Variants in FXR1 observed in about 807,000 individuals in gnomAD.
The protein encoded by FXR1 is FMR1 autosomal homolog 1, also known as RNA-binding protein FXR1.
Under a neutral mutation model 84.0 loss-of-function variants are expected in FXR1, and 15 were observed. That is an observed-to-expected ratio of 0.18 (90% CI 0.12 to 0.27). The LOEUF is 0.27. FXR1 is among the 10% of genes least tolerant of loss of function. The pLI, the probability that FXR1 is intolerant of heterozygous loss-of-function variation, is 1.00. For synonymous variants in FXR1, 245 were observed against 250.7 expected (o/e 0.98, Z 0.21); for missense variants, 480 against 774.4 (o/e 0.62, Z 4.51).
chr3:180,970,410 AT>A, intron 15 of FXR1, 52 bp downstream of exon 15: 1 of 294,456 alleles, frequency 3.4e-6, no homozygotes. Flanking sequence ...ATATATATAT[AT>A]ATATATATAT....
At chr3:180,914,051 G>C (rs1576872911) in intron 1 of FXR1, among the ~76,000 whole-genome samples, 1 of 152,148 alleles carries the variant, frequency 6.6e-6, no homozygotes, top group African/African-American at 2.4e-5. Context: ...GCGTATAAAG[G>C]ATCCCCCTAA....
At chr3:180,958,072 C>T (rs776340627) in intron 10 of FXR1, 144 bp downstream of exon 10, 5 of 451,276 alleles carry the variant, frequency 1.1e-5, no homozygotes, top group African/African-American at 2.0e-5. Flanking sequence ...ATTTCATACA[C>T]TTAGAAAACA....
chr3:180,959,952 T>G (rs1711871350), intron 10 of FXR1, among the ~76,000 whole-genome samples: 2 of 152,196 alleles, frequency 1.3e-5, no homozygotes, highest in Non-Finnish European at 2.9e-5. Flanking sequence ...GTTTCATATT[T>G]AGAACAAAAA....
chr3:180,945,420 C>G (rs186612206), intron 3 of FXR1, among the ~76,000 whole-genome samples: 1 of 151,732 alleles, frequency 6.6e-6, no homozygotes, highest in South Asian at 2.1e-4. Flanking sequence ...TTTTTTTTCC[C>G]CCTGGACAGG....
intron 8 of FXR1, among the ~76,000 whole-genome samples, chr3:180,953,169 C>G (rs1388409318): frequency 6.6e-6 from 1 of 152,076 alleles, no homozygotes; most frequent in Admixed American, 6.5e-5. Context: ...AAAGAACACA[C>G]GTTAAAAGTG....
At position 180,952,257 on chromosome 3, in the gene FXR1, C is replaced by G. The variant is rs576713864; in HGVS notation, c.801+789C>G. 5.9e-5 allele frequency among the ~76,000 whole-genome samples: 9 copies of G among 152,226 alleles called. No homozygotes were observed. The South Asian group carries it at 1.7e-3, about 28-fold the overall frequency. On this transcript the variant is annotated intron_variant, in intron 8 of 16. Transcript: ENST00000357559. ...ATAGGCGTGAGCCACCGTGCCTGGC[C>G]TGGAGTTTTTTTTGAATGACAATTT...
At chr3:180,925,775 G>T (rs1175573952) in intron 1 of FXR1, among the ~76,000 whole-genome samples, 1 of 152,158 alleles carries the variant, frequency 6.6e-6, no homozygotes, top group Non-Finnish European at 1.5e-5. Context: ...TTGATCAAGG[G>T]ATAAAAAGTG....
chr3:180,914,358 A>T (rs1717625667), intron 1 of FXR1, among the ~76,000 whole-genome samples: 1 of 152,032 alleles, frequency 6.6e-6, no homozygotes, highest in Non-Finnish European at 1.5e-5. Context: ...GTCGTTTTGC[A>T]TCACCCCCCA....
intron 8 of FXR1, 134 bp downstream of exon 8, chr3:180,951,602 A>G: frequency 1.7e-6 from 1 of 593,148 alleles, no homozygotes; most frequent in Non-Finnish European, 2.9e-6. Flanking sequence ...CAGTCAGCCT[A>G]GTAGTCTTAC....
In FXR1 at chr3:180,976,277, G is replaced by C. The variant is rs1198780182; in HGVS notation, c.1851G>C (p.Leu617=). ...KEENTQEAAV[L]NGVS ...AAAACACTCAAGAAGCAGCAGTCCT[G>C]AATGGTGTTTCATAAACTGAAGAAG... The change falls in exon 17 of 17, where the codon CTG becomes CTC. Residue 617 remains leucine (L), a synonymous_variant. Coordinates refer to ENST00000357559, the MANE Select transcript of FXR1 (RefSeq NM_005087.4). The C allele has an allele frequency of 6.2e-7, 1 of 1,603,222 alleles. No homozygotes were observed. Among genetic ancestry groups the C allele is most frequent in the Non-Finnish European group, 8.5e-7 (1 of 1,174,824 alleles).
At chr3:180,975,425 A>AG (rs1714106788) in intron 16 of FXR1, 21 bp downstream of exon 16, 2 of 929,418 alleles carry the variant, frequency 2.2e-6, no homozygotes, top group South Asian at 3.1e-5. Flanking sequence ...TTTAACCTGT[A>AG]GGTTTTTTTT....
At chr3:180,918,514 T>G (rs1718170730) in intron 1 of FXR1, among the ~76,000 whole-genome samples, 1 of 152,202 alleles carries the variant, frequency 6.6e-6, no homozygotes, top group Non-Finnish European at 1.5e-5. Flanking sequence ...GCAGATACTT[T>G]GCTGGATTAT....
chr3:180,912,706 G>A lies in FXR1; in HGVS notation c.21G>A (p.Glu7=), dbSNP rs1223887881. The A allele has an allele frequency of 6.2e-7, 1 of 1,614,036 alleles. No homozygotes were observed. Among genetic ancestry groups the A allele is most frequent in the Non-Finnish European group, 8.5e-7 (1 of 1,179,970 alleles). Residue 7 remains glutamate (E), a synonymous_variant, in exon 1 of 17, where the codon GAG becomes GAA. Coordinates refer to ENST00000357559, the MANE Select transcript of FXR1 (RefSeq NM_005087.4). Reference sequence around the variant, plus strand: ...CCAACATGGCGGAGCTGACGGTGGAGGTTCGCGGCTCTAACGGGGCTTTCT... The same window carrying A: ...CCAACATGGCGGAGCTGACGGTGGAAGTTCGCGGCTCTAACGGGGCTTTCT... MAELTV[E]VRGSNGAFYK...
intron 15 of FXR1, among the ~76,000 whole-genome samples, chr3:180,972,525 C>G (rs986633888): frequency 6.6e-6 from 1 of 152,070 alleles, no homozygotes; most frequent in Admixed American, 6.6e-5. Flanking sequence ...ACATTTCTGG[C>G]CCTACTGTAA....
chr3:180,933,145 C>CAG (rs1400910640), intron 1 of FXR1, 189 bp from the exon 2 acceptor site: 1 of 536,592 alleles, frequency 1.9e-6, no homozygotes, highest in Non-Finnish European at 3.3e-6. Context: ...AAATGAGGTT[C>CAG]AGAGAGGTTA....
At chr3:180,917,441 A>T (rs1276405522) in intron 1 of FXR1, among the ~76,000 whole-genome samples, 1 of 152,204 alleles carries the variant, frequency 6.6e-6, no homozygotes, top group East Asian at 1.9e-4. Flanking sequence ...CTGTTAATTT[A>T]AAAATACATA....
In FXR1 at chr3:180,977,499, T is replaced by A. The variant is rs973019805; in HGVS notation, c.*1207T>A. On this transcript the variant is annotated 3_prime_UTR_variant, in exon 17 of 17. Transcript: ENST00000357559. ...GGCCAATGATTTGCTTTATTCATTC[T>A]CAACTTATTTTGAAGGCTCTCATAT... 6.6e-6 allele frequency: 1 copy of A among 152,134 alleles called. No individual in the cohort carries two copies. Among genetic ancestry groups the A allele is most frequent in the African/African-American group, 2.4e-5 (1 of 41,450 alleles). The allele number at this position is 152,134 out of a possible 1,614,324, so 9.4% of individuals were successfully genotyped here. A position where few individuals can be genotyped will look rare whatever the true frequency, so the allele number is the denominator to read the frequency against.
intron 14 of FXR1, chr3:180,968,529 TATTTA>T: frequency 3.9e-6 from 1 of 257,248 alleles, no homozygotes; most frequent in South Asian, 9.4e-5. Flanking sequence ...TTTGGAGGCT[TATTTA>T]ATTAGAATTT....
At chr3:180,928,866 A>G (rs80027669) in intron 1 of FXR1, among the ~76,000 whole-genome samples, 3 of 151,952 alleles carry the variant, frequency 2.0e-5, no homozygotes, top group Non-Finnish European at 4.4e-5. Flanking sequence ...TCACTGCTCA[A>G]GGATTCCTTC....
Sources: allele counts gnomAD v4.1 joint callset (sites outside exome capture counted in the v4.1 genomes callset), GRCh38; gene constraint gnomAD v4.1.1; transcripts MANE v1.5; gene names NCBI Gene and HGNC (gene_info 2026-07-23, HGNC 2026-07-21).